The following SKIL variants were observed in gnomAD, a reference collection of about 807,000 sequenced individuals.
SKIL encodes the protein ski-like protein.
Under a neutral mutation model 69.6 loss-of-function variants are expected in SKIL, and 20 were observed. The observed-to-expected ratio is 0.29, with a 90% CI of 0.20 to 0.42. The LOEUF (loss-of-function observed/expected upper bound fraction) is 0.42, where lower values mean the gene tolerates loss of function less well. SKIL is among the 10% of genes least tolerant of loss of function. The pLI is 1.00. For missense variants in SKIL, 745 were observed against 783.1 expected (o/e 0.95, Z 0.58); for synonymous variants, 310 against 279.9 (o/e 1.11, Z -1.08).
chr3:170,361,388 GAGA>G lies in SKIL; in HGVS notation c.1060_1062del (p.Lys354del), dbSNP rs1351003628. On this transcript the variant is annotated inframe_deletion, in exon 2 of 7. Coordinates refer to ENST00000259119, the MANE Select transcript of SKIL (RefSeq NM_005414.5). Reference sequence around the variant, plus strand: ...GAAGATAATTTTAGAAGAAATGAAGGAGAAGTTTAGCATGAGAAGTGGAAAGAG... The same window carrying G: ...GAAGATAATTTTAGAAGAAATGAAGGAGTTTAGCATGAGAAGTGGAAAGAG... 6.3e-7 allele frequency: 1 copy of G among 1,598,414 alleles called. No individual in the cohort carries two copies. Among genetic ancestry groups the G allele is most frequent in the Non-Finnish European group, 8.5e-7 (1 of 1,175,420 alleles).
In SKIL at chr3:170,392,683, G is replaced by T; in HGVS notation, c.*266G>T. 4.7e-6 allele frequency: 1 copy of T among 211,506 alleles called. No homozygotes were observed. Among genetic ancestry groups the T allele is most frequent in the Non-Finnish European group, 9.3e-6 (1 of 107,580 alleles). 13.1% of individuals were successfully genotyped at this position (211,506 alleles called of 1,614,324 possible). A position where few individuals can be genotyped will look rare whatever the true frequency, so the allele number is the denominator to read the frequency against. ...TATGGTTTCAACTAGTAGGTAATCTGCTTATATTTCTAATGCAAACTTAAC... is the reference window on the plus strand; with the variant it reads ...TATGGTTTCAACTAGTAGGTAATCTTCTTATATTTCTAATGCAAACTTAAC... On this transcript the variant is annotated 3_prime_UTR_variant, in exon 7 of 7. Coordinates refer to ENST00000259119, the MANE Select transcript of SKIL (RefSeq NM_005414.5).
At position 170,367,222 on chromosome 3, in the gene SKIL, C is replaced by T. The variant is rs1736574870; in HGVS notation, c.1098+5793C>T. Among the ~76,000 whole-genome samples the T allele has an allele frequency of 4.6e-5, 7 of 152,088 alleles. No homozygotes were observed. In the South Asian group the frequency reaches 1.5e-3, roughly 32 times the overall value. ...CTCCCAGGTTCACGCCATTCTCCTGCCTCAGCCCCCTGAGTAGCTGGGACT... is the reference window on the plus strand; with the variant it reads ...CTCCCAGGTTCACGCCATTCTCCTGTCTCAGCCCCCTGAGTAGCTGGGACT... On this transcript the variant is annotated intron_variant, in intron 2 of 6. Transcript: ENST00000259119.
intron 2 of SKIL, among the ~76,000 whole-genome samples, chr3:170,369,266 A>G (rs545808197): frequency 9.6e-4 from 146 of 152,016 alleles, no homozygotes; most frequent in African/African-American, 3.3e-3. Flanking sequence ...TAGAAACTTT[A>G]AAGAAGAAAA....
intron 2 of SKIL, among the ~76,000 whole-genome samples, chr3:170,366,859 C>G (rs1736554399): frequency 6.6e-6 from 1 of 152,118 alleles, no homozygotes; most frequent in Admixed American, 6.5e-5. Flanking sequence ...ATTCCTGATT[C>G]TTTTTCACAT....
At chr3:170,372,130 C>G (rs895167322) in intron 2 of SKIL, among the ~76,000 whole-genome samples, 1 of 152,158 alleles carries the variant, frequency 6.6e-6, no homozygotes. Flanking sequence ...CATCACAGAC[C>G]TTCAGTATAA....
chr3:170,376,196 C>T (rs1737024633), intron 2 of SKIL, among the ~76,000 whole-genome samples: 1 of 151,620 alleles, frequency 6.6e-6, no homozygotes, highest in Admixed American at 6.6e-5. Context: ...TACAGGGATG[C>T]ACCACCATGC....
chr3:170,377,398 C>CTTT (rs34584855), intron 2 of SKIL, among the ~76,000 whole-genome samples: 25 of 136,708 alleles, frequency 1.8e-4, no homozygotes, highest in Admixed American at 8.8e-4. Flanking sequence ...GTGCCCAGGC[C>CTTT]TTTTTTTTTT....
chr3:170,365,751 G>GTTTTTTTTTTTTT (rs1560207824), intron 2 of SKIL, among the ~76,000 whole-genome samples: 1 of 92,438 alleles, frequency 1.1e-5, no homozygotes, highest in African/African-American at 5.3e-5. Flanking sequence ...GTCAAACTAG[G>GTTTTTTTTTTTTT]CTTTTTTTTT....
chr3:170,384,090 C>T (rs1194053791), intron 3 of SKIL, among the ~76,000 whole-genome samples: 1 of 150,350 alleles, frequency 6.7e-6, no homozygotes, highest in Non-Finnish European at 1.5e-5. Flanking sequence ...GTTGCTTATG[C>T]CTGTAATCCT....
chr3:170,391,285 G>T (rs1349448201), intron 6 of SKIL, 25 bp downstream of exon 6: 1 of 1,303,624 alleles, frequency 7.7e-7, no homozygotes. Context: ...TTGTATAATG[G>T]TGCCCTTTCA....
chr3:170,384,936 T>C lies in SKIL; in HGVS notation c.1429+171T>C, dbSNP rs1737543706. ...TGATTTATTTTAATCTCAGTTGCTATACTTTTCTAGCGTGGTGATAGCTCA... is the reference window on the plus strand; with the variant it reads ...TGATTTATTTTAATCTCAGTTGCTACACTTTTCTAGCGTGGTGATAGCTCA... On this transcript the variant is annotated intron_variant, in intron 4 of 6. Transcript: ENST00000259119. 4 of 511,048 alleles carry C rather than the reference T, an allele frequency of 7.8e-6. No individual in the cohort carries two copies. In the East Asian group the frequency reaches 9.7e-5, roughly 12 times the overall value. 31.7% of individuals were successfully genotyped at this position (511,048 alleles called of 1,614,324 possible). A position where few individuals can be genotyped will look rare whatever the true frequency, so the allele number is the denominator to read the frequency against.
intron 1 of SKIL, among the ~76,000 whole-genome samples, chr3:170,358,349 G>C (rs1040973246): frequency 6.6e-6 from 1 of 151,822 alleles, no homozygotes; most frequent in Non-Finnish European, 1.5e-5. Context: ...GGGCACTTGG[G>C]GTTATCCCAG....
chr3:170,393,767 T>C lies in SKIL; in HGVS notation c.*1350T>C, dbSNP rs75117072. ...AATAAATGTTTTTCATGTTCTCTTA[T>C]AAGATACTATGTATGAAATTACTTC... On this transcript the variant is annotated 3_prime_UTR_variant, in exon 7 of 7. Transcript: ENST00000259119. 1 of 152,314 alleles carries C rather than the reference T, an allele frequency of 6.6e-6. No individual in the cohort carries two copies. The highest frequency in any genetic ancestry group is 1.5e-5 in the Non-Finnish European group (1 of 68,016). The allele number at this position is 152,314 out of a possible 1,614,324, so 9.4% of individuals were successfully genotyped here.
intron 3 of SKIL, among the ~76,000 whole-genome samples, chr3:170,383,362 T>C (rs1261488002): frequency 6.6e-6 from 1 of 152,226 alleles, no homozygotes; most frequent in Non-Finnish European, 1.5e-5. Flanking sequence ...GGGAACAATA[T>C]AGATGTCTTA....
At chr3:170,375,196 C>CT (rs1278048345) in intron 2 of SKIL, among the ~76,000 whole-genome samples, 1 of 152,154 alleles carries the variant, frequency 6.6e-6, no homozygotes, top group Non-Finnish European at 1.5e-5. Context: ...GCTAGGTGAT[C>CT]TTTAAGATTC....
chr3:170,378,441 T>C (rs977074756), intron 2 of SKIL, among the ~76,000 whole-genome samples: 1 of 152,200 alleles, frequency 6.6e-6, no homozygotes, highest in Admixed American at 6.5e-5. Context: ...TCCAGAGATC[T>C]GTTTGCAGTC....
chr3:170,392,638 T>A lies in SKIL; in HGVS notation c.*221T>A. 1 of 307,044 alleles carries A rather than the reference T, an allele frequency of 3.3e-6. No homozygotes were observed. Among genetic ancestry groups the A allele is most frequent in the Non-Finnish European group, 5.9e-6 (1 of 168,344 alleles). The allele number at this position is 307,044 out of a possible 1,614,324, so 19.0% of individuals were successfully genotyped here. A position where few individuals can be genotyped will look rare whatever the true frequency, so the allele number is the denominator to read the frequency against. ...GTTTCTTTGTACTTTTTTAAAAAAA[T>A]CAGCTTAGTAACAATACTATATGGT... On this transcript the variant is annotated 3_prime_UTR_variant, in exon 7 of 7. Coordinates refer to ENST00000259119, the MANE Select transcript of SKIL (RefSeq NM_005414.5).
chr3:170,379,483 C>CG (rs1445441786), intron 2 of SKIL, among the ~76,000 whole-genome samples: 7 of 60,312 alleles, frequency 1.2e-4, no homozygotes, highest in East Asian at 3.0e-3. Context: ...GTCTTGCCCC[C>CG]CCTTTTAAGT....
chr3:170,381,467 C>CTGTT (rs1737344543), intron 3 of SKIL, 126 bp downstream of exon 3: 1 of 595,868 alleles, frequency 1.7e-6, no homozygotes, highest in Non-Finnish European at 3.1e-6. Context: ...GAGTCTTGCT[C>CTGTT]TGTTACCCAG....
Sources: gnomAD v4.1 joint callset for allele counts (sites outside exome capture counted in the v4.1 genomes callset) on GRCh38, gnomAD v4.1.1 for gene constraint, MANE v1.5 for transcripts, NCBI Gene and HGNC (gene_info 2026-07-23, HGNC 2026-07-21) for gene names.